The following AHCY variants were observed in gnomAD, a reference collection of about 807,000 sequenced individuals.
AHCY encodes the protein adenosylhomocysteinase.
AHCY carries 24 observed loss-of-function variants against 45.4 expected under a neutral mutation model. That is an observed-to-expected ratio of 0.53 (90% CI 0.38 to 0.74). AHCY has a LOEUF of 0.74. Among genes scored for constraint, AHCY ranks in the 30% least tolerant of loss-of-function variants. The probability of loss-of-function intolerance (pLI) is 0.00; values close to 1 mark genes in which losing one functional copy is unlikely to be tolerated. For synonymous variants in AHCY, 245 were observed against 235.1 expected, an observed-to-expected ratio of 1.04 and a Z score of -0.39; for missense variants, 449 against 594.1, an observed-to-expected ratio of 0.76 and a Z score of 2.54.
At chr20:34,253,673 G>A in the AHCY span, among the ~76,000 whole-genome samples, 4 of 151,932 alleles carry the variant, frequency 2.6e-5, no homozygotes, top group Non-Finnish European at 4.4e-5. Flanking sequence ...GTTTCACCAT[G>A]TTGGCCATGC....
upstream of AHCY, among the ~76,000 whole-genome samples, chr20:34,307,346 T>A (rs2036906109): frequency 6.6e-6 from 1 of 152,112 alleles, no homozygotes. Flanking sequence ...TGCTTCAGCC[T>A]CCCAACATGC....
At chr20:34,246,985 G>GT in the AHCY span, among the ~76,000 whole-genome samples, 3 of 139,918 alleles carry the variant, frequency 2.1e-5, no homozygotes, top group African/African-American at 8.0e-5. Context: ...GTTGGTTTTT[G>GT]TTTTTTTGTT....
the AHCY span, among the ~76,000 whole-genome samples, chr20:34,249,821 T>C: frequency 6.6e-6 from 1 of 152,176 alleles, no homozygotes; most frequent in African/African-American, 2.4e-5. Context: ...AGAGAACCCA[T>C]TATGGACCCA....
intron 9 of AHCY, among the ~76,000 whole-genome samples, chr20:34,284,713 C>T (rs1464632509): frequency 6.6e-6 from 1 of 152,092 alleles, no homozygotes; most frequent in Non-Finnish European, 1.5e-5. Context: ...ATCCTAGCTA[C>T]TCAAGAGGCT....
upstream of AHCY, among the ~76,000 whole-genome samples, chr20:34,303,647 A>G (rs986753729): frequency 1.3e-5 from 2 of 152,168 alleles, no homozygotes; most frequent in African/African-American, 4.8e-5. Context: ...CTGTGCCTCA[A>G]TTTCCTCATC....
intron 1 of AHCY, among the ~76,000 whole-genome samples, chr20:34,296,604 A>C (rs750256697): frequency 8.5e-5 from 13 of 152,056 alleles, no homozygotes; most frequent in Non-Finnish European, 1.6e-4. Context: ...ACTCTCCCCT[A>C]CCACACTGGT....
chr20:34,302,479 C>T, intron 1 of AHCY: 2 of 511,840 alleles, frequency 3.9e-6, no homozygotes, highest in Non-Finnish European at 5.0e-6. Context: ...AGACTGAGGG[C>T]AAGTTACCTC....
At chr20:34,304,813 C>T (rs2036875276), upstream of AHCY, among the ~76,000 whole-genome samples, 1 of 151,880 alleles carries the variant, frequency 6.6e-6, no homozygotes, top group South Asian at 2.1e-4. Context: ...CTCAGCCTCC[C>T]GAGTAGCTGG....
At chr20:34,247,404 G>T in the AHCY span, among the ~76,000 whole-genome samples, 1 of 150,610 alleles carries the variant, frequency 6.6e-6, no homozygotes, top group Non-Finnish European at 1.5e-5. Flanking sequence ...GGGTTCAAGC[G>T]ATTCTCCTGC....
intron 1 of AHCY, among the ~76,000 whole-genome samples, chr20:34,311,193 G>A (rs1307861191): frequency 3.9e-5 from 6 of 152,214 alleles, no homozygotes; most frequent in African/African-American, 1.4e-4. Context: ...GCAAAGTGCA[G>A]AACGGTGCGC....
the AHCY span, among the ~76,000 whole-genome samples, chr20:34,271,962 G>A: frequency 1.3e-5 from 2 of 151,870 alleles, no homozygotes; most frequent in African/African-American, 4.8e-5. Flanking sequence ...AAGAACTCTA[G>A]CTAGCTTGAG....
chr20:34,288,449 CTT>C (rs1305850361), intron 8 of AHCY, among the ~76,000 whole-genome samples: 1 of 152,178 alleles, frequency 6.6e-6, no homozygotes, highest in East Asian at 1.9e-4. Context: ...TGGGAGATAA[CTT>C]AAGCTCAGGA....
rs1185717149 is a variant in AHCY, at chr20:34,280,789, C to G, written c.*245G>C. On this transcript the variant is annotated 3_prime_UTR_variant, in exon 10 of 10. Transcript: ENST00000217426. ...AGTGAGCTGTTCCAAGACCACTGAG[C>G]TCATGGTTCCCTGTGGCTGGGACCT... 1.8e-6 allele frequency: 1 copy of G among 562,452 alleles called. No individual in the cohort carries two copies. The highest frequency in any genetic ancestry group is 3.2e-6 in the Non-Finnish European group (1 of 315,112). 34.8% of individuals were successfully genotyped at this position (562,452 alleles called of 1,614,324 possible). A position where few individuals can be genotyped will look rare whatever the true frequency, so the allele number is the denominator to read the frequency against.
chr20:34,275,368 G>A (rs1206667498), downstream of AHCY, among the ~76,000 whole-genome samples: 2 of 151,996 alleles, frequency 1.3e-5, no homozygotes, highest in Non-Finnish European at 2.9e-5. Context: ...CTGACCTCAG[G>A]TGATCTGCCT....
chr20:34,239,491 T>A, the AHCY span, among the ~76,000 whole-genome samples: 2 of 152,182 alleles, frequency 1.3e-5, no homozygotes, highest in Admixed American at 6.5e-5. Context: ...AAATTCTTTA[T>A]CCAAAGCCTT....
At chr20:34,285,718 C>T in intron 8 of AHCY, 84 bp from the exon 9 acceptor site, 1 of 1,478,922 alleles carries the variant, frequency 6.8e-7, no homozygotes, top group South Asian at 1.2e-5. Flanking sequence ...CTCTCTGCCT[C>T]CAACAGTGCC....
At chr20:34,251,575 T>A in the AHCY span, among the ~76,000 whole-genome samples, 4 of 152,114 alleles carry the variant, frequency 2.6e-5, no homozygotes, top group Non-Finnish European at 4.4e-5. Context: ...CGCCTGACCT[T>A]CTCTGTGTAA....
chr20:34,284,586 C>T (rs1389636895), intron 9 of AHCY, among the ~76,000 whole-genome samples: 4 of 152,008 alleles, frequency 2.6e-5, no homozygotes, highest in South Asian at 2.1e-4. Flanking sequence ...GTGCAGTGGC[C>T]GAGGCGGGTG....
downstream of AHCY, among the ~76,000 whole-genome samples, chr20:34,277,744 G>A (rs1261680089): frequency 9.4e-6 from 1 of 106,530 alleles, no homozygotes; most frequent in Non-Finnish European, 1.7e-5. Context: ...GACAGAGCAA[G>A]ACTCCATCTC....
Sources: allele counts gnomAD v4.1 joint callset (sites outside exome capture counted in the v4.1 genomes callset), GRCh38; gene constraint gnomAD v4.1.1; transcripts MANE v1.5; gene names NCBI Gene and HGNC (gene_info 2026-07-23, HGNC 2026-07-21).